Variants in PLXND1 observed in about 807,000 individuals in gnomAD.
The protein encoded by PLXND1 is plexin-D1.
Under a neutral mutation model 197.7 loss-of-function variants are expected in PLXND1, and 54 were observed. That is an observed-to-expected ratio of 0.27 (90% CI 0.22 to 0.34). The LOEUF (loss-of-function observed/expected upper bound fraction) is 0.34. Ranked by LOEUF, PLXND1 falls within the 10% of genes least tolerant of loss-of-function variation. PLXND1 has a pLI of 1.00. For synonymous variants in PLXND1, 1,180 were observed against 1,161.2 expected, an observed-to-expected ratio of 1.02 and a Z score of -0.33; for missense variants, 2,127 against 2,699.2, an observed-to-expected ratio of 0.79 and a Z score of 4.70.
Position 129,557,037 on chromosome 3 carries a change from C to A in PLXND1, c.5586+46G>T, listed in dbSNP as rs958050203. 1.2e-6 allele frequency: 2 copies of A among 1,601,112 alleles called. No homozygotes were observed. Among genetic ancestry groups the A allele is most frequent in the Non-Finnish European group, 1.7e-6 (2 of 1,172,750 alleles). On this transcript the variant is annotated intron_variant, in intron 34 of 35. Coordinates refer to ENST00000324093, the MANE Select transcript of PLXND1 (RefSeq NM_015103.3). The surrounding 1 kb of genome is among the most constrained non-coding windows in gnomAD (Gnocchi z 4.8). ...TGAGGCCCAGCCCCCGACCCCCGAT[C>A]CCTCAGCTCTTCAGGCCCCCATCCC...
chr3:129,559,004 G>T (rs1028187344), intron 32 of PLXND1, among the ~76,000 whole-genome samples: 2 of 152,162 alleles, frequency 1.3e-5, no homozygotes, highest in Non-Finnish European at 2.9e-5. Context: ...CAGAGAGGGT[G>T]AGCAACACCC....
rs188886584 is a variant in PLXND1, at chr3:129,575,695, G to C, written c.2436+71C>G. ...ACCAGAAGGTAGAGAGAGGCAGGGT[G>C]GGGTGAGGGGTACAGCATCTGGACT... On this transcript the variant is annotated intron_variant, in intron 10 of 35. Transcript: ENST00000324093. 7 of 1,247,696 alleles carry C rather than the reference G, an allele frequency of 5.6e-6. No individual in the cohort carries two copies. In the South Asian group the frequency reaches 8.9e-5, roughly 16 times the overall value. The allele number at this position is 1,247,696 out of a possible 1,614,324, so 77.3% of individuals were successfully genotyped here. A position where few individuals can be genotyped will look rare whatever the true frequency, so the allele number is the denominator to read the frequency against.
chr3:129,560,285 A>G, intron 31 of PLXND1, 45 bp downstream of exon 31: 1 of 1,235,436 alleles, frequency 8.1e-7, no homozygotes, highest in Non-Finnish European at 1.2e-6. Context: ...CTGGGGCTGG[A>G]GCCTTGTACC....
In PLXND1 at chr3:129,556,917, T is replaced by C. The variant is rs1038755444; in HGVS notation, c.5586+166A>G. 1.9e-4 allele frequency: 150 copies of C among 800,872 alleles called. No individual in the cohort carries two copies. The East Asian group carries it at 3.9e-3, about 21-fold the overall frequency. 49.6% of individuals were successfully genotyped at this position (800,872 alleles called of 1,614,324 possible). A position where few individuals can be genotyped will look rare whatever the true frequency, so the allele number is the denominator to read the frequency against. ...TCTCCTGCCCCCGCTCCTCAAACTC[T>C]GGGAAAATGCATGACGAATTTGCAG... is the stretch of plus-strand genomic sequence containing the variant. On this transcript the variant is annotated intron_variant, in intron 34 of 35. Coordinates refer to ENST00000324093, the MANE Select transcript of PLXND1 (RefSeq NM_015103.3).
chr3:129,562,857 C>A lies in PLXND1; in HGVS notation c.4755G>T (p.Glu1585Asp). 6.2e-7 allele frequency: 1 copy of A among 1,612,418 alleles called. No individual in the cohort carries two copies. Among genetic ancestry groups the A allele is most frequent in the Non-Finnish European group, 8.5e-7 (1 of 1,178,568 alleles). ...MDTDTLTQVK[E>D]KILEAFCKNV... ...TCTTGCAGAAGGCCTCCAGGATCTT[C>A]TCCTTGACCTGTGTCAGCGTGTCGG... Residue 1585 changes from glutamate (E) to aspartate (D), a missense_variant, in exon 27 of 36, where the codon GAG (glutamate) becomes GAT (aspartate). Physicochemically the swap from Glu to Asp is conservative, Grantham distance 45. This residue lies in a region of PLXND1 where 532 missense variants were observed against 811.0 expected (regional missense o/e 0.66). Transcript: ENST00000324093.
rs1167202403 is a variant in PLXND1 at position 129,586,287 on chromosome 3, G to A, written c.1621-15C>T. ...ACCCTGGCCATCTGGGGGCAGAGGT[G>A]GGGGCCCAGCTCAATGGGACTGCCA... On this transcript the variant is annotated splice_polypyrimidine_tract_variant and intron_variant, in intron 3 of 35. Coordinates refer to ENST00000324093, the MANE Select transcript of PLXND1 (RefSeq NM_015103.3). The A allele has an allele frequency of 2.1e-5, 32 of 1,543,996 alleles. No individual in the cohort carries two copies. The highest frequency in any genetic ancestry group is 2.8e-5 in the Non-Finnish European group (32 of 1,146,410).
chr3:129,591,668 AG>A (rs2085543987), intron 1 of PLXND1: 1 of 152,222 alleles, frequency 6.6e-6, no homozygotes, highest in Non-Finnish European at 1.5e-5. Flanking sequence ...ATGAAGTAAA[AG>A]TTACCCATGT....
At chr3:129,567,837 T>C (rs2085165224) in intron 20 of PLXND1, 32 bp from the exon 21 acceptor site, 3 of 1,339,354 alleles carry the variant, frequency 2.2e-6, no homozygotes, top group Non-Finnish European at 3.2e-6. Flanking sequence ...GTCAGGCCTC[T>C]GGTGCCCTTT....
intron 12 of PLXND1, among the ~76,000 whole-genome samples, chr3:129,573,954 C>A (rs963866716): frequency 2.0e-5 from 3 of 152,138 alleles, no homozygotes; most frequent in Non-Finnish European, 1.5e-5. Context: ...ACTGAGCCCA[C>A]GTGGGCCTGG....
At chr3:129,601,473 AGGAGCG>A (rs2085707216) in intron 1 of PLXND1, among the ~76,000 whole-genome samples, 1 of 152,158 alleles carries the variant, frequency 6.6e-6, no homozygotes, top group East Asian at 1.9e-4. Context: ...ACCCTCAAGC[AGGAGCG>A]AGAGGCTGGG....
At chr3:129,595,346 G>A (rs555457903) in intron 1 of PLXND1, among the ~76,000 whole-genome samples, 3 of 152,350 alleles carry the variant, frequency 2.0e-5, no homozygotes, top group Admixed American at 6.5e-5. Context: ...GGGGCAGGAC[G>A]GACTCGGTCC....
Position 129,557,064 on chromosome 3 carries a change from C to A in PLXND1, c.5586+19G>T, listed in dbSNP as rs757579010. On this transcript the variant is annotated intron_variant, in intron 34 of 35. Coordinates refer to ENST00000324093, the MANE Select transcript of PLXND1 (RefSeq NM_015103.3). This position sits in a 1 kb window ranked among gnomAD's most constrained non-coding sequence, Gnocchi z 4.8. ...CTCAGCTCTTCAGGCCCCCATCCCCCGCCGCCGAGCCACCGCACCCTCGAC... is the reference window on the plus strand; with the variant it reads ...CTCAGCTCTTCAGGCCCCCATCCCCAGCCGCCGAGCCACCGCACCCTCGAC... 1 of 1,612,632 alleles carries A rather than the reference C, an allele frequency of 6.2e-7. No homozygotes were observed. The highest frequency in any genetic ancestry group is 1.7e-5 in the Admixed American group (1 of 59,994).
chr3:129,568,040 G>A (rs752419518), intron 20 of PLXND1, among the ~76,000 whole-genome samples: 1 of 151,862 alleles, frequency 6.6e-6, no homozygotes, highest in Non-Finnish European at 1.5e-5. Context: ...CCCGTCCTTA[G>A]AAAAAGAAGT....
intron 20 of PLXND1, 60 bp from the exon 21 acceptor site, chr3:129,567,865 G>T: frequency 1.0e-6 from 1 of 1,003,364 alleles, no homozygotes; most frequent in Non-Finnish European, 1.5e-6. Context: ...CTTTATTGGC[G>T]CCTGCTGTAT....
intron 1 of PLXND1, among the ~76,000 whole-genome samples, chr3:129,596,606 C>G (rs770805066): frequency 7.2e-5 from 11 of 152,194 alleles, no homozygotes; most frequent in Non-Finnish European, 1.5e-4. Flanking sequence ...GGAACAGTTT[C>G]CCTCCCAGCT....
chr3:129,571,955 C>G, intron 15 of PLXND1, 111 bp from the exon 16 acceptor site: 1 of 984,206 alleles, frequency 1.0e-6, no homozygotes, highest in Non-Finnish European at 1.5e-6. Flanking sequence ...GGTTCAAGGC[C>G]TCCTTGACTG....
chr3:129,585,336 T>C (rs969039612), intron 5 of PLXND1, among the ~76,000 whole-genome samples: 3 of 152,188 alleles, frequency 2.0e-5, no homozygotes, highest in African/African-American at 4.8e-5. Context: ...GCCAGATGCA[T>C]GAACCCCAGG....
chr3:129,580,403 T>C (rs1204644907), intron 8 of PLXND1, among the ~76,000 whole-genome samples: 1 of 152,158 alleles, frequency 6.6e-6, no homozygotes, highest in African/African-American at 2.4e-5. Flanking sequence ...CTGTGCTGTG[T>C]GTAAACCCCA....
At chr3:129,559,506 T>G in intron 32 of PLXND1, 114 bp downstream of exon 32, 1 of 756,190 alleles carries the variant, frequency 1.3e-6, no homozygotes, top group Non-Finnish European at 2.1e-6. Context: ...AGCTGGGAAA[T>G]GGCAGAGGAG....
Sources: gnomAD v4.1 joint callset for allele counts (sites outside exome capture counted in the v4.1 genomes callset) on GRCh38, gnomAD v4.1.1 for gene constraint, gnomAD v4.1.1 regional missense constraint, Gnocchi (gnomAD v3.1) non-coding constraint, MANE v1.5 for transcripts, NCBI Gene and HGNC (gene_info 2026-07-23, HGNC 2026-07-21) for gene names.